Variants in TMC3 observed in about 807,000 individuals in gnomAD.
TMC3 encodes the protein transmembrane channel like 3, also known as transmembrane channel-like protein 3.
A neutral mutation model predicts 110.6 loss-of-function variants in TMC3; 98 were observed. The observed-to-expected ratio is 0.89, with a 90% CI of 0.75 to 1.05. The LOEUF is 1.05. Among genes scored for constraint, TMC3 ranks in the 50% least tolerant of loss-of-function variants. TMC3 has a pLI of 0.00. For synonymous variants in TMC3, 489 were observed against 513.1 expected, an observed-to-expected ratio of 0.95 and a Z score of 0.63; for missense variants, 1,319 against 1,373.2, an observed-to-expected ratio of 0.96 and a Z score of 0.62.
At position 81,339,453 on chromosome 15, in the gene TMC3, C is replaced by CA. The variant is rs757377818; in HGVS notation, c.1895dup (p.Met632IlefsTer28). On this transcript the variant is annotated frameshift_variant, in exon 17 of 22. Transcript: ENST00000359440. LOFTEE classifies it high-confidence loss of function. ...GGACAATAGCAAAAATGGTTGGCAG[C>CA]ATGCACAGAAACAGCATAAACAGGA... The CA allele has an allele frequency of 6.2e-7, 1 of 1,610,468 alleles. No individual in the cohort carries two copies. Among genetic ancestry groups the CA allele is most frequent in the South Asian group, 1.1e-5 (1 of 89,994 alleles).
chr15:81,346,141 A>T (rs1893823320), intron 12 of TMC3, among the ~76,000 whole-genome samples: 1 of 152,236 alleles, frequency 6.6e-6, no homozygotes, highest in East Asian at 1.9e-4. Flanking sequence ...TCCCAGCACC[A>T]TCACTTACTA....
At chr15:81,364,003 G>A (rs892984753) in intron 3 of TMC3, among the ~76,000 whole-genome samples, 1 of 152,134 alleles carries the variant, frequency 6.6e-6, no homozygotes, top group Non-Finnish European at 1.5e-5. Flanking sequence ...TGTGTCCCTG[G>A]GGAAGTTATT....
chr15:81,352,235 G>A (rs1893967437), intron 9 of TMC3, among the ~76,000 whole-genome samples: 1 of 152,190 alleles, frequency 6.6e-6, no homozygotes, highest in Non-Finnish European at 1.5e-5. Flanking sequence ...AAGGCAGGGA[G>A]GAAGAGAGGA....
At chr15:81,355,077 C>T (rs956910048) in intron 9 of TMC3, among the ~76,000 whole-genome samples, 13 of 152,150 alleles carry the variant, frequency 8.5e-5, no homozygotes, top group Admixed American at 7.2e-4. Flanking sequence ...CCCTAAGCTC[C>T]CTCATTATTC....
intron 9 of TMC3, among the ~76,000 whole-genome samples, chr15:81,353,191 A>T (rs1893988567): frequency 8.8e-6 from 1 of 113,522 alleles, no homozygotes; most frequent in Non-Finnish European, 2.3e-5. Context: ...TAGAATAAGG[A>T]TATAAAGAAA....
At chr15:81,354,573 G>T (rs1894018436) in intron 9 of TMC3, among the ~76,000 whole-genome samples, 1 of 152,138 alleles carries the variant, frequency 6.6e-6, no homozygotes, top group Non-Finnish European at 1.5e-5. Context: ...AAGATCCCTG[G>T]GGCACCAAAC....
chr15:81,347,660 T>A (rs2141703696), intron 11 of TMC3, among the ~76,000 whole-genome samples: 1 of 152,358 alleles, frequency 6.6e-6, no homozygotes, highest in South Asian at 2.1e-4. Flanking sequence ...TGAAATAATA[T>A]GTCTTATGCT....
intron 3 of TMC3, among the ~76,000 whole-genome samples, chr15:81,363,116 G>A (rs12905425): frequency 0.19 from 28,619 of 151,958 alleles, 3,254 homozygotes; most frequent in South Asian, 0.49. Context: ...TTAGTCAGGT[G>A]TGGTGGCGTG....
At chr15:81,372,217 G>A (rs1260277436) in intron 2 of TMC3, among the ~76,000 whole-genome samples, 3 of 151,688 alleles carry the variant, frequency 2.0e-5, no homozygotes, top group Non-Finnish European at 4.4e-5. Flanking sequence ...TGAGCGAGAC[G>A]AGCTTGGAGA....
rs61740148 is a variant in TMC3, at chr15:81,349,531, G to T, written c.1120C>A (p.Pro374Thr). The T allele has an allele frequency of 2.0e-3, 3,062 of 1,557,256 alleles. 51 individuals are homozygous for T. The African/African-American group carries it at 0.038, about 19-fold the overall frequency. ...GCAGCAATGAGGTCAAAGGCTGATG[G>T]TGCTATCATGGTGACGAGGGAGACC... ...VVVSLVTMIAPSAFDLIAALE... is the reference protein window; with the variant it reads ...VVVSLVTMIATSAFDLIAALE... Residue 374 changes from proline to threonine, a missense_variant, in exon 11 of 22, where the codon CCA (proline) becomes ACA (threonine). Coordinates refer to ENST00000359440, the MANE Select transcript of TMC3 (RefSeq NM_001080532.3).
intron 21 of TMC3, 150 bp downstream of exon 21, chr15:81,334,570 C>T: frequency 9.2e-7 from 1 of 1,089,914 alleles, no homozygotes; most frequent in Non-Finnish European, 1.3e-6. Flanking sequence ...CCCACCCCGC[C>T]TCCATTTCTT....
At chr15:81,359,616 C>G (rs1254155934) in intron 4 of TMC3, 145 bp from the exon 5 acceptor site, 1 of 595,834 alleles carries the variant, frequency 1.7e-6, no homozygotes, top group Non-Finnish European at 2.9e-6. Flanking sequence ...GTGTTCCTTC[C>G]TAAATGTTAA....
chr15:81,373,893 G>T, intron 1 of TMC3, 96 bp downstream of exon 1: 2 of 1,148,234 alleles, frequency 1.7e-6, no homozygotes, highest in Non-Finnish European at 2.5e-6. Context: ...GGACAACTGA[G>T]CAGGACAGGG....
chr15:81,373,830 C>G (rs1290856107), intron 1 of TMC3, among the ~76,000 whole-genome samples, 159 bp downstream of exon 1: 1 of 152,148 alleles, frequency 6.6e-6, no homozygotes. Context: ...GCTGAGGTTG[C>G]CATCCTAGTT....
chr15:81,361,964 G>A (rs1894196440), intron 4 of TMC3: 2 of 307,550 alleles, frequency 6.5e-6, no homozygotes, highest in South Asian at 9.2e-5. Flanking sequence ...CTGACTGAAG[G>A]AATGAACTGG....
chr15:81,350,580 A>T (rs1022897376), intron 10 of TMC3, among the ~76,000 whole-genome samples: 6 of 152,232 alleles, frequency 3.9e-5, no homozygotes, highest in Non-Finnish European at 8.8e-5. Context: ...ATTGGCATAA[A>T]ATAGAGGCAT....
chr15:81,360,789 G>A (rs1410042786), intron 4 of TMC3, among the ~76,000 whole-genome samples: 2 of 152,116 alleles, frequency 1.3e-5, no homozygotes, highest in East Asian at 3.9e-4. Context: ...TCTAGGTGGT[G>A]AGTGGGCGAT....
chr15:81,347,552 G>A (rs1482619152), intron 11 of TMC3, among the ~76,000 whole-genome samples: 2 of 152,220 alleles, frequency 1.3e-5, no homozygotes, highest in East Asian at 3.8e-4. Flanking sequence ...TTGGCCAAAG[G>A]AAGGATTGAA....
chr15:81,349,608 C>G, intron 10 of TMC3, 41 bp from the exon 11 acceptor site: 2 of 1,245,910 alleles, frequency 1.6e-6, no homozygotes, highest in Non-Finnish European at 2.1e-6. Context: ...ATTCCCAGGA[C>G]CCCCCACCAG....
Sources: gnomAD v4.1 joint callset for allele counts (sites outside exome capture counted in the v4.1 genomes callset) on GRCh38, gnomAD v4.1.1 for gene constraint, MANE v1.5 for transcripts, NCBI Gene and HGNC (gene_info 2026-07-23, HGNC 2026-07-21) for gene names.